The following MGA variants were observed in gnomAD, a reference collection of about 807,000 sequenced individuals.
MGA encodes MAX gene-associated protein.
In MGA, 40 loss-of-function variants were observed where a neutral mutation model predicts 261.1. The observed-to-expected ratio is 0.15, with a 90% CI of 0.12 to 0.20. The LOEUF (loss-of-function observed/expected upper bound fraction) is 0.20, where lower values mean the gene tolerates loss of function less well. Among genes scored for constraint, MGA ranks in the 10% least tolerant of loss-of-function variants. MGA has a pLI of 1.00. For synonymous variants in MGA, 1,302 were observed against 1,290.6 expected (o/e 1.01, Z -0.19); for missense variants, 3,397 against 3,630.5 (o/e 0.94, Z 1.65).
At chr15:41,757,539 C>G (rs534441140) in intron 18 of MGA, among the ~76,000 whole-genome samples, 3 of 152,138 alleles carry the variant, frequency 2.0e-5, no homozygotes, top group Non-Finnish European at 4.4e-5. Context: ...TACTGAAGGA[C>G]AACTTTAAAT....
chr15:41,720,454 A>T (rs1282580923), intron 9 of MGA, among the ~76,000 whole-genome samples: 1 of 152,152 alleles, frequency 6.6e-6, no homozygotes, highest in Non-Finnish European at 1.5e-5. Flanking sequence ...AGGCAAAAGT[A>T]TGGCCAGGAG....
At chr15:41,690,097 A>G (rs1303598840) in intron 2 of MGA, among the ~76,000 whole-genome samples, 2 of 152,016 alleles carry the variant, frequency 1.3e-5, no homozygotes, top group Non-Finnish European at 2.9e-5. Flanking sequence ...TTTTCCCTCA[A>G]CCACTCCCCA....
chr15:41,717,325 T>G (rs989610068), intron 9 of MGA, among the ~76,000 whole-genome samples: 1 of 152,178 alleles, frequency 6.6e-6, no homozygotes, highest in Admixed American at 6.6e-5. Context: ...CATTTCTGTT[T>G]TCTTAGCCCA....
At chr15:41,671,227 G>T (rs1003227071) in intron 2 of MGA, among the ~76,000 whole-genome samples, 3 of 152,134 alleles carry the variant, frequency 2.0e-5, no homozygotes, top group African/African-American at 4.8e-5. Flanking sequence ...GGGATGAGAT[G>T]GGGGGGAGGA....
chr15:41,754,689 T>TG, intron 18 of MGA, 122 bp downstream of exon 18: 3 of 1,177,238 alleles, frequency 2.5e-6, no homozygotes, highest in Non-Finnish European at 3.4e-6. Context: ...GCTTTTTTTC[T>TG]GATTAGTATA....
Position 41,759,036 on chromosome 15 carries a change from G to A in MGA, c.7191+1197G>A, listed in dbSNP as rs187718982. Among the ~76,000 whole-genome samples, 10 of 152,240 alleles carry A rather than the reference G, an allele frequency of 6.6e-5. No individual in the cohort carries two copies. The East Asian group carries it at 1.9e-3, about 29-fold the overall frequency. On this transcript the variant is annotated intron_variant, in intron 19 of 23. Coordinates refer to ENST00000219905, the MANE Select transcript of MGA (RefSeq NM_001164273.2). ...GAATACAAATGACAAATTGGGAGGT[G>A]AGAGAGGGAAGAAGAAATAAAGGGA...
At chr15:41,764,018 A>G (rs947899759) in intron 22 of MGA, among the ~76,000 whole-genome samples, 4 of 150,822 alleles carry the variant, frequency 2.7e-5, no homozygotes, top group Non-Finnish European at 5.9e-5. Flanking sequence ...AATTAGCCGG[A>G]TGTGGTGGTG....
chr15:41,669,165 C>T lies in MGA; in HGVS notation c.271C>T (p.Arg91Ter). ...TAGTATGTGGAATGAGTTCTATCAT[C>T]GAAGCACAGAGATGATTCTGACCAA... The change falls in exon 2 of 24, where the codon CGA (arginine) becomes TGA (stop). Residue 91 changes from arginine to a stop codon, truncating the protein, a stop_gained. Coordinates refer to ENST00000219905, the MANE Select transcript of MGA (RefSeq NM_001164273.2). LOFTEE classifies it high-confidence loss of function. 6.2e-7 allele frequency: 1 copy of T among 1,613,962 alleles called. No homozygotes were observed. Among genetic ancestry groups the T allele is most frequent in the East Asian group, 2.2e-5 (1 of 44,890 alleles).
At chr15:41,677,122 A>G (rs374534308) in intron 2 of MGA, among the ~76,000 whole-genome samples, 1 of 151,902 alleles carries the variant, frequency 6.6e-6, no homozygotes, top group East Asian at 1.9e-4. Context: ...CCTTTTTTCT[A>G]TTGTGAATAA....
chr15:41,720,841 A>G (rs572365752), intron 9 of MGA, among the ~76,000 whole-genome samples: 67 of 152,272 alleles, frequency 4.4e-4, no homozygotes, highest in Admixed American at 1.3e-3. Flanking sequence ...AAAATAAAAT[A>G]AAATAATACT....
chr15:41,681,278 A>C (rs986006417), intron 2 of MGA, among the ~76,000 whole-genome samples: 1 of 152,136 alleles, frequency 6.6e-6, no homozygotes, highest in African/African-American at 2.4e-5. Context: ...GCCTCTGTCT[A>C]GGTCATATGC....
At position 41,696,199 on chromosome 15, in the gene MGA, C is replaced by T; in HGVS notation, c.1189C>T (p.Pro397Ser). The T allele has an allele frequency of 1.2e-6, 2 of 1,613,718 alleles. No individual in the cohort carries two copies. The highest frequency in any genetic ancestry group is 1.1e-5 in the South Asian group (1 of 91,056). Residue 397 changes from proline (P) to serine (S), a missense_variant, in exon 3 of 24, where the codon CCA (proline) becomes TCA (serine). Coordinates refer to ENST00000219905, the MANE Select transcript of MGA (RefSeq NM_001164273.2). Reference sequence around the variant, plus strand: ...TTATGACTACGAACTTGGTGAGTGCCCAGAAGGGGTCACTGTGAAACAGGA... The same window carrying T: ...TTATGACTACGAACTTGGTGAGTGCTCAGAAGGGGTCACTGTGAAACAGGA...
chr15:41,724,943 T>TA (rs747798536), intron 9 of MGA, among the ~76,000 whole-genome samples: 1 of 152,186 alleles, frequency 6.6e-6, no homozygotes, highest in Non-Finnish European at 1.5e-5. Context: ...ATATACTACT[T>TA]ACGAAAATCA....
chr15:41,727,933 T>A (rs2061332015), intron 10 of MGA, among the ~76,000 whole-genome samples: 1 of 152,236 alleles, frequency 6.6e-6, no homozygotes, highest in South Asian at 2.1e-4. Flanking sequence ...TGTGTCCTCC[T>A]AGTCCATTAG....
intron 2 of MGA, among the ~76,000 whole-genome samples, chr15:41,694,733 T>C (rs896426623): frequency 6.6e-6 from 1 of 152,048 alleles, no homozygotes; most frequent in Non-Finnish European, 1.5e-5. Flanking sequence ...AGGATGGTCT[T>C]GATCTCCTGA....
In MGA at chr15:41,740,141, G is replaced by T. The variant is rs1567060340; in HGVS notation, c.4523G>T (p.Gly1508Val). 1.2e-6 allele frequency: 2 copies of T among 1,613,964 alleles called. No homozygotes were observed. The highest frequency in any genetic ancestry group is 2.7e-5 in the African/African-American group (2 of 75,022). Residue 1508 changes from glycine to valine, a missense_variant, in exon 14 of 24, where the codon GGC becomes GTC. Transcript: ENST00000219905. ...AATTCCAAAATGGCATCCTCCTCTG[G>T]CACTGCAACAAATCGCCCTGGGAAG...
At chr15:41,723,327 C>A (rs1034057211) in intron 9 of MGA, among the ~76,000 whole-genome samples, 1 of 152,138 alleles carries the variant, frequency 6.6e-6, no homozygotes, top group African/African-American at 2.4e-5. Context: ...TTTGTTCTTG[C>A]CTTTGTAGGG....
chr15:41,756,222 A>G (rs1346721036), intron 18 of MGA, among the ~76,000 whole-genome samples: 1 of 152,234 alleles, frequency 6.6e-6, no homozygotes, highest in East Asian at 1.9e-4. Context: ...GTTACAAGTC[A>G]GTAAGAAAAA....
intron 1 of MGA, among the ~76,000 whole-genome samples, chr15:41,636,227 C>G (rs1349044289): frequency 1.3e-5 from 2 of 152,078 alleles, no homozygotes; most frequent in African/African-American, 4.8e-5. Flanking sequence ...TAGCCTCCAA[C>G]TCCTGGGCCC....
Sources: allele counts gnomAD v4.1 joint callset (sites outside exome capture counted in the v4.1 genomes callset), GRCh38; gene constraint gnomAD v4.1.1; transcripts MANE v1.5; gene names NCBI Gene and HGNC (gene_info 2026-07-23, HGNC 2026-07-21).